Variants in MAP4K3 observed in about 807,000 individuals in gnomAD.
MAP4K3 encodes the protein MAPK/ERK kinase kinase kinase 3.
A neutral mutation model predicts 143.5 loss-of-function variants in MAP4K3; 94 were observed. The observed-to-expected ratio is 0.65, with a 90% CI of 0.55 to 0.78. MAP4K3 has a LOEUF of 0.78. Among genes scored for constraint, MAP4K3 ranks in the 30% least tolerant of loss-of-function variants. The pLI is 0.00. For missense variants in MAP4K3, 1,077 were observed against 1,068.1 expected, an observed-to-expected ratio of 1.01 and a Z score of -0.12; for synonymous variants, 416 against 347.2, an observed-to-expected ratio of 1.20 and a Z score of -2.20.
At chr2:39,402,447 T>C (rs1463209826) in intron 1 of MAP4K3, among the ~76,000 whole-genome samples, 1 of 152,070 alleles carries the variant, frequency 6.6e-6, no homozygotes, top group Non-Finnish European at 1.5e-5. Flanking sequence ...CATTAAGACA[T>C]ATCATAATCA....
intron 1 of MAP4K3, among the ~76,000 whole-genome samples, chr2:39,384,778 A>G (rs1204230068): frequency 6.6e-6 from 1 of 152,220 alleles, no homozygotes; most frequent in Admixed American, 6.5e-5. Context: ...TTTAACTACC[A>G]GACAATAAAA....
At position 39,333,528 on chromosome 2, in the gene MAP4K3, T is replaced by C; in HGVS notation, c.457+4A>G. ...TGCACGTGACAAAATTCCAATTTAC[T>C]TACCCAATTTCACATGACCATTATC... On this transcript the variant is annotated splice_donor_region_variant and intron_variant, in intron 7 of 33. Coordinates refer to ENST00000263881, the MANE Select transcript of MAP4K3 (RefSeq NM_003618.4). 1 of 1,604,090 alleles carries C rather than the reference T, an allele frequency of 6.2e-7. No individual in the cohort carries two copies. The highest frequency in any genetic ancestry group is 8.5e-7 in the Non-Finnish European group (1 of 1,171,748).
chr2:39,377,653 A>T (rs1666255474), intron 2 of MAP4K3, among the ~76,000 whole-genome samples: 1 of 152,168 alleles, frequency 6.6e-6, no homozygotes, highest in Non-Finnish European at 1.5e-5. Context: ...AGAGACATGA[A>T]GCTATTTGCC....
intron 1 of MAP4K3, among the ~76,000 whole-genome samples, chr2:39,397,102 A>T (rs896673149): frequency 6.6e-6 from 1 of 152,204 alleles, no homozygotes; most frequent in Non-Finnish European, 1.5e-5. Context: ...TAAAGAAATG[A>T]TTCTTTTTAA....
chr2:39,283,525 G>A (rs963768252), intron 21 of MAP4K3: 1 of 151,838 alleles, frequency 6.6e-6, no homozygotes, highest in Non-Finnish European at 1.5e-5. Flanking sequence ...CTAGGTTTGA[G>A]TATTTTATCT....
chr2:39,370,859 T>A (rs1196741349), intron 2 of MAP4K3, among the ~76,000 whole-genome samples: 1 of 152,192 alleles, frequency 6.6e-6, no homozygotes, highest in Admixed American at 6.5e-5. Context: ...TATAAGTAAC[T>A]TTTAAATTCT....
chr2:39,424,922 G>C (rs1002842418), intron 1 of MAP4K3, among the ~76,000 whole-genome samples: 4 of 149,292 alleles, frequency 2.7e-5, no homozygotes, highest in Admixed American at 2.7e-4. Flanking sequence ...AGTCCTCCAA[G>C]AATTCAAATC....
At chr2:39,366,001 T>C (rs923864834) in intron 2 of MAP4K3, among the ~76,000 whole-genome samples, 15 of 152,226 alleles carry the variant, frequency 9.9e-5, no homozygotes, top group African/African-American at 3.6e-4. Context: ...CCATTTCATA[T>C]GGTAGAAACA....
At chr2:39,410,851 C>T (rs190958928) in intron 1 of MAP4K3, among the ~76,000 whole-genome samples, 2 of 152,274 alleles carry the variant, frequency 1.3e-5, no homozygotes, top group African/African-American at 4.8e-5. Flanking sequence ...ATCAAAGGCA[C>T]ATATGTCATA....
chr2:39,309,534 A>G lies in MAP4K3; in HGVS notation c.998-15T>C. ...CACTTGGCCAACTAAAAAAGAAAAA[A>G]AAGTAAAACCAGGATTTTTTTTTTT... is the stretch of plus-strand genomic sequence containing the variant. On this transcript the variant is annotated splice_polypyrimidine_tract_variant and intron_variant, in intron 13 of 33. Coordinates refer to ENST00000263881, the MANE Select transcript of MAP4K3 (RefSeq NM_003618.4). 1.3e-6 allele frequency: 2 copies of G among 1,498,484 alleles called. No homozygotes were observed. The highest frequency in any genetic ancestry group is 1.2e-5 in the South Asian group (1 of 82,784). 92.8% of individuals were successfully genotyped at this position (1,498,484 alleles called of 1,614,324 possible). A position where few individuals can be genotyped will look rare whatever the true frequency, so the allele number is the denominator to read the frequency against.
chr2:39,376,496 C>G (rs1666222435), intron 2 of MAP4K3, among the ~76,000 whole-genome samples: 1 of 152,158 alleles, frequency 6.6e-6, no homozygotes, highest in South Asian at 2.1e-4. Flanking sequence ...AAATAATTGA[C>G]TTGAACAGTA....
rs1573064068 is a variant in MAP4K3, at chr2:39,260,684, T to C, written c.2230A>G (p.Arg744Gly). 2 of 1,613,984 alleles carry C rather than the reference T, an allele frequency of 1.2e-6. No individual in the cohort carries two copies. Among genetic ancestry groups the C allele is most frequent in the East Asian group, 4.5e-5 (2 of 44,870 alleles). The part of the protein sequence containing the change: ...EYPLVCVGVS[R>G]GRDFNQVVRF... ...ACCACTTGGTTGAAGTCTCTACCTC[T>C]ACTGACACCAACACAAACTAAAGGG... The change falls in exon 29 of 34, where the codon AGA becomes GGA. Residue 744 changes from arginine to glycine, a missense_variant. Around this residue, in one of 2 missense-constraint regions of MAP4K3, gnomAD observed 864 missense variants for 801.2 expected, o/e 1.08. Transcript: ENST00000263881.
chr2:39,292,360 G>T (rs1009675997), intron 18 of MAP4K3, among the ~76,000 whole-genome samples: 1 of 152,176 alleles, frequency 6.6e-6, no homozygotes, highest in East Asian at 1.9e-4. Context: ...AAATGAGGTT[G>T]TAACAGTGGG....
chr2:39,271,488 G>T (rs980708735), intron 26 of MAP4K3, among the ~76,000 whole-genome samples: 3 of 152,154 alleles, frequency 2.0e-5, no homozygotes, highest in African/African-American at 7.2e-5. Flanking sequence ...AAATCTTTCA[G>T]TCAATAAAGA....
At chr2:39,363,801 T>A (rs997572652) in intron 2 of MAP4K3, among the ~76,000 whole-genome samples, 32 of 151,834 alleles carry the variant, frequency 2.1e-4, no homozygotes, top group African/African-American at 7.5e-4. Flanking sequence ...CAGTATACAA[T>A]TTTTGTCATT....
intron 1 of MAP4K3, among the ~76,000 whole-genome samples, chr2:39,419,121 T>G: frequency 6.6e-6 from 1 of 152,246 alleles, no homozygotes; most frequent in East Asian, 1.9e-4. Flanking sequence ...GTGAAATATT[T>G]TAAATAATGT....
intron 1 of MAP4K3, among the ~76,000 whole-genome samples, chr2:39,381,945 C>T (rs916371689): frequency 3.9e-5 from 6 of 151,950 alleles, no homozygotes; most frequent in African/African-American, 1.4e-4. Context: ...ACGTCCCCCA[C>T]CACATACTCC....
intron 21 of MAP4K3, among the ~76,000 whole-genome samples, chr2:39,286,124 C>T (rs1573096837): frequency 6.6e-6 from 1 of 152,172 alleles, no homozygotes; most frequent in East Asian, 1.9e-4. Flanking sequence ...ACAATTTTTC[C>T]ACAGATGGGG....
intron 2 of MAP4K3, among the ~76,000 whole-genome samples, chr2:39,368,487 C>T (rs751440923): frequency 6.6e-5 from 10 of 151,770 alleles, no homozygotes; most frequent in East Asian, 1.9e-4. Flanking sequence ...GGCAACACAA[C>T]GAGACCCAGT....
Sources: allele counts gnomAD v4.1 joint callset (sites outside exome capture counted in the v4.1 genomes callset), GRCh38; gene constraint gnomAD v4.1.1; regional missense constraint gnomAD v4.1.1; transcripts MANE v1.5; gene names NCBI Gene and HGNC (gene_info 2026-07-23, HGNC 2026-07-21).